Variants in DNAH10 observed in about 807,000 individuals in gnomAD.
DNAH10 encodes the protein dynein axonemal heavy chain 10, also known as axonemal beta dynein heavy chain 10.
DNAH10 carries 348 observed loss-of-function variants against 506.6 expected under a neutral mutation model. That is an observed-to-expected ratio of 0.69 (90% CI 0.63 to 0.75). The LOEUF is 0.75. DNAH10 is among the 30% of genes least tolerant of loss of function. The pLI is 0.00. For synonymous variants in DNAH10, 2,059 were observed against 2,198.6 expected, an observed-to-expected ratio of 0.94 and a Z score of 1.78; for missense variants, 5,179 against 5,787.1, an observed-to-expected ratio of 0.89 and a Z score of 3.41.
In DNAH10 at chr12:123,846,632, C is replaced by T. The variant is rs1047422244; in HGVS notation, c.5814+478C>T. On this transcript the variant is annotated intron_variant, in intron 32 of 78. Transcript: ENST00000673944. The surrounding 1 kb of genome is among the most constrained non-coding windows in gnomAD (Gnocchi z 4.5). ...GCTTGGGAAGGTTTGCAAGCAACCC[C>T]CAAGACTGTTTGTCAGATGCTTGCT... 5.3e-5 allele frequency among the ~76,000 whole-genome samples: 8 copies of T among 152,096 alleles called. No individual in the cohort carries two copies. The highest frequency in any genetic ancestry group is 1.2e-4 in the Non-Finnish European group (8 of 68,016).
rs190661186 is a variant in DNAH10 at position 123,831,909 on chromosome 12, A to T, written c.4546-1205A>T. 9.5e-3 allele frequency among the ~76,000 whole-genome samples: 1,450 copies of T among 152,106 alleles called. 13 individuals carry two copies. Among genetic ancestry groups the T allele is most frequent in the South Asian group, 0.03 (145 of 4,818 alleles). ...GACAGAGCAAGACTCTGTCTCAAAA[A>T]AAAAAAAAAAGGAAAGGTACGGCCA... On this transcript the variant is annotated intron_variant, in intron 26 of 78. Transcript: ENST00000673944.
chr12:123,825,522 T>C (rs905751696), intron 24 of DNAH10, among the ~76,000 whole-genome samples: 6 of 152,250 alleles, frequency 3.9e-5, no homozygotes, highest in African/African-American at 1.4e-4. Context: ...ATCGTCATGC[T>C]GAGCGAAAGA....
Position 123,800,322 on chromosome 12 carries a change from A to T in DNAH10, c.2396A>T (p.Glu799Val). 6.2e-7 allele frequency: 1 copy of T among 1,614,140 alleles called. No individual in the cohort carries two copies. The highest frequency in any genetic ancestry group is 8.5e-7 in the Non-Finnish European group (1 of 1,180,032). ...ATTATTAATGAAACAAAGTACTTAG[A>T]GCAGCTGGGGTTCACTGTCCCTGAA... The part of the protein sequence containing the change: ...REIINETKYL[E>V]QLGFTVPELA... Residue 799 changes from glutamate (E) to valine (V), a missense_variant, in exon 15 of 79, where the codon GAG (glutamate) becomes GTG (valine). Transcript: ENST00000673944.
In DNAH10 at chr12:123,789,954, G is replaced by A; in HGVS notation, c.1648G>A (p.Gly550Ser). ...QILEEFYNIF[G>S]PELKAVTGDP... ...TTTGGAGGAATTTTATAACATATTT[G>A]GTCCAGAACTAAAGGCAGTGACGGG... The change falls in exon 11 of 79, where the codon GGT becomes AGT. Residue 550 changes from glycine (G) to serine (S), a missense_variant. This residue lies in a region of DNAH10 where 4,844 missense variants were observed against 5,430.5 expected (regional missense o/e 0.89). Transcript: ENST00000673944. 1 of 1,613,066 alleles carries A rather than the reference G, an allele frequency of 6.2e-7. No homozygotes were observed. Among genetic ancestry groups the A allele is most frequent in the Non-Finnish European group, 8.5e-7 (1 of 1,179,530 alleles).
At chr12:123,848,991 G>C (rs1009767864) in intron 34 of DNAH10, 109 bp downstream of exon 34, 4 of 1,312,990 alleles carry the variant, frequency 3.0e-6, no homozygotes, top group Non-Finnish European at 4.2e-6. Context: ...TCCAGACCAG[G>C]CTTCCTGTAG....
intron 56 of DNAH10, among the ~76,000 whole-genome samples, chr12:123,901,852 G>A (rs1297655885): frequency 6.6e-6 from 1 of 152,110 alleles, no homozygotes; most frequent in African/African-American, 2.4e-5. Flanking sequence ...GTAGAGACGG[G>A]GTTTCGCCAT....
chr12:123,789,557 T>C (rs974210035), intron 10 of DNAH10, among the ~76,000 whole-genome samples: 4 of 152,158 alleles, frequency 2.6e-5, no homozygotes, highest in African/African-American at 9.6e-5. Flanking sequence ...CTAATTTTTG[T>C]ATTTTTAGCA....
chr12:123,905,062 G>T (rs1020333758), intron 57 of DNAH10, among the ~76,000 whole-genome samples: 11 of 152,200 alleles, frequency 7.2e-5, no homozygotes, highest in African/African-American at 1.2e-4. Context: ...GAGAGCAGGG[G>T]ATGCCTGCAA....
At chr12:123,771,178 C>T (rs1226589236) in intron 2 of DNAH10, among the ~76,000 whole-genome samples, 1 of 152,058 alleles carries the variant, frequency 6.6e-6, no homozygotes, top group Non-Finnish European at 1.5e-5. Context: ...CCATGCTGGC[C>T]AGGCTGGTCT....
chr12:123,868,123 G>A lies in DNAH10; in HGVS notation c.7519+4G>A, dbSNP rs376538634. On this transcript the variant is annotated splice_donor_region_variant and intron_variant, in intron 43 of 78. Transcript: ENST00000673944. ...GCCAACCCTGGGGAACTGCCAGGTG[G>A]GAACCGAGTGTCGCCTGTTTCCCTG... is the stretch of plus-strand genomic sequence containing the variant. The A allele has an allele frequency of 5.6e-6, 9 of 1,611,174 alleles. No individual in the cohort carries two copies. In the African/African-American group the frequency reaches 6.7e-5, roughly 12 times the overall value.
rs775986139 is a variant in DNAH10, at chr12:123,850,333, G to A, written c.6103-555G>A. On this transcript the variant is annotated intron_variant, in intron 34 of 78. Transcript: ENST00000673944. This position sits in a 1 kb window ranked among gnomAD's most constrained non-coding sequence, Gnocchi z 5.5. Reference sequence around the variant, plus strand: ...TTGTTGGTACCTGGGGCAACCAGAGGAATGAAGACTGGTTTCTTGAGGGGT... The same window carrying A: ...TTGTTGGTACCTGGGGCAACCAGAGAAATGAAGACTGGTTTCTTGAGGGGT... 1.3e-5 allele frequency among the ~76,000 whole-genome samples: 2 copies of A among 152,074 alleles called. No homozygotes were observed. The highest frequency in any genetic ancestry group is 2.9e-5 in the Non-Finnish European group (2 of 68,004).
At chr12:123,899,547 C>T (rs991769411) in intron 56 of DNAH10, among the ~76,000 whole-genome samples, 1 of 152,192 alleles carries the variant, frequency 6.6e-6, no homozygotes, top group South Asian at 2.1e-4. Context: ...CATTTGTCAT[C>T]ACTCTGGCAA....
intron 28 of DNAH10, among the ~76,000 whole-genome samples, chr12:123,836,307 G>C (rs1467622200): frequency 6.6e-6 from 1 of 152,172 alleles, no homozygotes; most frequent in East Asian, 1.9e-4. Context: ...CTATATTCCA[G>C]GGAGTGGGCT....
At position 123,919,083 on chromosome 12, in the gene DNAH10, C is replaced by CA. The variant is rs1954617457; in HGVS notation, c.11506+134_11506+135insA. The CA allele has an allele frequency of 9.3e-7, 1 of 1,080,040 alleles. No individual in the cohort carries two copies. Among genetic ancestry groups the CA allele is most frequent in the Non-Finnish European group, 1.2e-6 (1 of 806,236 alleles). The allele number at this position is 1,080,040 out of a possible 1,614,324, so 66.9% of individuals were successfully genotyped here. ...CTTTTTTCTTTCTTTCTTTCTTTTT[C>CA]TTTTTTTTTTGAGATAGGGTCTTGC... On this transcript the variant is annotated intron_variant, in intron 65 of 78. Transcript: ENST00000673944. The surrounding 1 kb of genome is among the most constrained non-coding windows in gnomAD (Gnocchi z 4.9).
intron 41 of DNAH10, among the ~76,000 whole-genome samples, 160 bp downstream of exon 41, chr12:123,866,233 T>TTTTTG: frequency 1.0e-5 from 1 of 96,896 alleles, no homozygotes; most frequent in Non-Finnish European, 2.1e-5. Flanking sequence ...GACACACTTT[T>TTTTTG]TTTTTTTTTT....
chr12:123,821,911 AAT>A (rs947461147), intron 24 of DNAH10, among the ~76,000 whole-genome samples: 1 of 152,094 alleles, frequency 6.6e-6, no homozygotes, highest in African/African-American at 2.4e-5. Flanking sequence ...TCTACTAAAA[AAT>A]ACAAAAAAAA....
In DNAH10 at chr12:123,917,006, A is replaced by C. The variant is rs942023250; in HGVS notation, c.11002+270A>C. On this transcript the variant is annotated intron_variant, in intron 63 of 78. Transcript: ENST00000673944. This position sits in a 1 kb window ranked among gnomAD's most constrained non-coding sequence, Gnocchi z 5.6. ...TGGGACCTCTGACTGTGGGGGCAGG[A>C]AGTTACTCTATATTCGTGTATTTAA... Among the ~76,000 whole-genome samples, 1 of 152,164 alleles carries C rather than the reference A, an allele frequency of 6.6e-6. No individual in the cohort carries two copies. Among genetic ancestry groups the C allele is most frequent in the Non-Finnish European group, 1.5e-5 (1 of 68,028 alleles).
At chr12:123,859,614 T>C (rs1004536078) in intron 38 of DNAH10, among the ~76,000 whole-genome samples, 10 of 152,248 alleles carry the variant, frequency 6.6e-5, no homozygotes, top group Non-Finnish European at 8.8e-5. Flanking sequence ...ATTCACCTTA[T>C]GCAGTACTGC....
In DNAH10 at chr12:123,898,649, T is replaced by G. The variant is rs749573334; in HGVS notation, c.9479-4T>G. The G allele has an allele frequency of 3.2e-6, 5 of 1,543,916 alleles. No individual in the cohort carries two copies. The Admixed American group carries it at 1.0e-4, about 32-fold the overall frequency. ...CGATGAACATAGGTGCCCTCTTTCC[T>G]CAGCTCAGTGCAAGCGTCTGGATGG... On this transcript the variant is annotated splice_polypyrimidine_tract_variant and splice_region_variant and intron_variant, in intron 55 of 78. Coordinates refer to ENST00000673944, the MANE Select transcript of DNAH10 (RefSeq NM_001372106.1).
Sources: gnomAD v4.1 joint callset for allele counts (sites outside exome capture counted in the v4.1 genomes callset) on GRCh38, gnomAD v4.1.1 for gene constraint, gnomAD v4.1.1 regional missense constraint, Gnocchi (gnomAD v3.1) non-coding constraint, MANE v1.5 for transcripts, NCBI Gene and HGNC (gene_info 2026-07-23, HGNC 2026-07-21) for gene names.